The following STPG2 variants were observed in gnomAD, a reference collection of about 807,000 sequenced individuals.
The protein encoded by STPG2 is sperm-tail PG-rich repeat-containing protein 2.
In STPG2, 56 loss-of-function variants were observed where a neutral mutation model predicts 54.2. The observed-to-expected ratio is 1.03, with a 90% confidence interval of 0.83 to 1.29. The LOEUF is 1.29. Among genes scored for constraint, STPG2 ranks in the 50% most tolerant of loss-of-function variants. STPG2 has a pLI of 0.00. For missense variants in STPG2, 596 were observed against 544.9 expected (o/e 1.09, Z -0.93); for synonymous variants, 200 against 181.8 (o/e 1.10, Z -0.81).
At chr4:98,093,842 A>G (rs988685249) in intron 5 of STPG2, among the ~76,000 whole-genome samples, 1 of 152,208 alleles carries the variant, frequency 6.6e-6, no homozygotes, top group Non-Finnish European at 1.5e-5. Flanking sequence ...GCACCCATGC[A>G]TAGAAGGAGC....
At chr4:98,052,708 A>G (rs1247578025) in intron 5 of STPG2, among the ~76,000 whole-genome samples, 3 of 152,204 alleles carry the variant, frequency 2.0e-5, no homozygotes, top group African/African-American at 7.2e-5. Flanking sequence ...GGTGACTAGA[A>G]AGCATTAAAT....
chr4:98,143,363 T>A lies in STPG2; in HGVS notation c.-213A>T, dbSNP rs1740358686. 1.8e-6 allele frequency: 1 copy of A among 543,440 alleles called. No individual in the cohort carries two copies. The highest frequency in any genetic ancestry group is 3.2e-5 in the Admixed American group (1 of 30,794). 33.7% of individuals were successfully genotyped at this position (543,440 alleles called of 1,614,324 possible). On this transcript the variant is annotated 5_prime_UTR_variant, in exon 1 of 11. Transcript: ENST00000295268. ...ATCGATTTCTAGCTCTGTGGTAAAG[T>A]AGAGGGGTGAGCGACTAGAGATTAG... is the stretch of plus-strand genomic sequence containing the variant.
At chr4:97,908,281 C>T (rs1292080471) in intron 8 of STPG2, among the ~76,000 whole-genome samples, 3 of 151,984 alleles carry the variant, frequency 2.0e-5, no homozygotes, top group South Asian at 2.1e-4. Context: ...CCATCACTGG[C>T]CATCAGAGAA....
At chr4:97,722,623 G>A (rs1324499382) in intron 9 of STPG2, among the ~76,000 whole-genome samples, 1 of 151,840 alleles carries the variant, frequency 6.6e-6, no homozygotes, top group Non-Finnish European at 1.5e-5. Flanking sequence ...AGTCTTAAGA[G>A]GGAACATGAG....
rs565831848 is a variant in STPG2, at chr4:97,820,951, G to T, written c.1204+19822C>A. Among the ~76,000 whole-genome samples the T allele has an allele frequency of 7.1e-4, 108 of 152,066 alleles. 1 individual carries two copies. The South Asian group carries it at 0.022, about 31-fold the overall frequency. Reference sequence around the variant, plus strand: ...GGGTACATCCAAACTATGGCATTTCGCCCTCTGCCCCCCAAATCTCATGTT... The same window carrying T: ...GGGTACATCCAAACTATGGCATTTCTCCCTCTGCCCCCCAAATCTCATGTT... On this transcript the variant is annotated intron_variant, in intron 9 of 10. Transcript: ENST00000295268.
At chr4:97,655,495 GT>G (rs1171422413) in intron 10 of STPG2, among the ~76,000 whole-genome samples, 1 of 152,028 alleles carries the variant, frequency 6.6e-6, no homozygotes, top group Non-Finnish European at 1.5e-5. Flanking sequence ...ACTTTGGTTA[GT>G]GTCTTGATTC....
rs527332105 is a variant in STPG2, at chr4:97,640,272, T to C, written c.1320+72427A>G. Among the ~76,000 whole-genome samples the C allele has an allele frequency of 4.1e-3, 628 of 152,126 alleles. 3 individuals carry two copies. The highest frequency in any genetic ancestry group is 0.02 in the South Asian group (97 of 4,822). On this transcript the variant is annotated intron_variant, in intron 10 of 10. Coordinates refer to ENST00000295268, the MANE Select transcript of STPG2 (RefSeq NM_174952.3). ...AGCATTTAAATTACTTAAAATGAAA[T>C]CATAAATAAGTCTGTAATTGCAAAA...
chr4:97,849,088 G>A (rs1251972339), intron 8 of STPG2, among the ~76,000 whole-genome samples: 2 of 151,144 alleles, frequency 1.3e-5, no homozygotes, highest in Non-Finnish European at 2.9e-5. Flanking sequence ...AATTACCTTG[G>A]GCAGTATGGC....
At chr4:97,777,371 G>A (rs190790255) in intron 9 of STPG2, among the ~76,000 whole-genome samples, 90 of 152,122 alleles carry the variant, frequency 5.9e-4, no homozygotes, top group Admixed American at 2.8e-3. Flanking sequence ...ATTCTGATGC[G>A]ACTTTAAAAA....
chr4:97,692,298 G>GAAAA (rs70953082), intron 10 of STPG2, among the ~76,000 whole-genome samples: 3 of 90,586 alleles, frequency 3.3e-5, no homozygotes, highest in South Asian at 8.1e-4. Context: ...TACAGGATAT[G>GAAAA]AAAAAAAAAA....
intron 5 of STPG2, among the ~76,000 whole-genome samples, chr4:98,086,207 T>C (rs1738498540): frequency 6.6e-6 from 1 of 152,098 alleles, no homozygotes; most frequent in Admixed American, 6.6e-5. Context: ...TTTGCACTGG[T>C]TGAAATTAAT....
chr4:97,685,241 A>T (rs1723154079), intron 10 of STPG2, among the ~76,000 whole-genome samples: 2 of 152,126 alleles, frequency 1.3e-5, no homozygotes, highest in Non-Finnish European at 2.9e-5. Flanking sequence ...TTGAAAATTT[A>T]TATAGACAAA....
At chr4:97,833,967 A>G (rs1042136068) in intron 9 of STPG2, among the ~76,000 whole-genome samples, 16 of 152,190 alleles carry the variant, frequency 1.1e-4, no homozygotes, top group African/African-American at 3.9e-4. Context: ...TCAAGTATCT[A>G]GAACCAGAAA....
intron 4 of STPG2, among the ~76,000 whole-genome samples, chr4:97,447,684 T>G (rs538243881): frequency 6.6e-6 from 1 of 152,254 alleles, no homozygotes; most frequent in African/African-American, 2.4e-5. Context: ...GGAATTGCAG[T>G]TTGGGAACCT....
At chr4:97,968,611 G>C (rs1003348789) in intron 7 of STPG2, among the ~76,000 whole-genome samples, 1 of 152,224 alleles carries the variant, frequency 6.6e-6, no homozygotes. Flanking sequence ...CTTCATCCCT[G>C]AGATGCAAGG....
At chr4:97,538,558 A>G (rs1297706898) in intron 4 of STPG2, among the ~76,000 whole-genome samples, 1 of 152,234 alleles carries the variant, frequency 6.6e-6, no homozygotes, top group Non-Finnish European at 1.5e-5. Context: ...GACCAAATCT[A>G]CGTCTCATTG....
intron 8 of STPG2, among the ~76,000 whole-genome samples, chr4:97,849,376 C>T (rs1578619168): frequency 2.0e-5 from 3 of 151,844 alleles, no homozygotes; most frequent in Admixed American, 6.6e-5. Flanking sequence ...ACTTCATGTC[C>T]AAAACACCAA....
chr4:97,613,333 G>A (rs1733775851), intron 10 of STPG2, among the ~76,000 whole-genome samples: 1 of 152,044 alleles, frequency 6.6e-6, no homozygotes, highest in South Asian at 2.1e-4. Flanking sequence ...TTGCGTGATT[G>A]TGTGATGTTC....
intron 5 of STPG2, among the ~76,000 whole-genome samples, chr4:98,087,647 G>A (rs368797657): frequency 0.031 from 4,476 of 145,982 alleles, 102 homozygotes; most frequent in Middle Eastern, 0.064. Context: ...TGCAAGCTCC[G>A]CCTCCCGGGT....
Sources: allele counts gnomAD v4.1 joint callset (sites outside exome capture counted in the v4.1 genomes callset), GRCh38; gene constraint gnomAD v4.1.1; transcripts MANE v1.5; gene names NCBI Gene and HGNC (gene_info 2026-07-23, HGNC 2026-07-21).